Variants in PPP2R1B observed in about 807,000 individuals in gnomAD.
PPP2R1B encodes serine/threonine-protein phosphatase 2A 65 kDa regulatory subunit A beta isoform.
In PPP2R1B, 58 loss-of-function variants were observed where a neutral mutation model predicts 72.7. The observed-to-expected ratio is 0.80, with a 90% confidence interval of 0.65 to 0.99. The LOEUF (loss-of-function observed/expected upper bound fraction) is 0.99. Among genes scored for constraint, PPP2R1B ranks in the 50% least tolerant of loss-of-function variants. The pLI, the probability that PPP2R1B is intolerant of heterozygous loss-of-function variation, is 0.00. For missense variants in PPP2R1B, 695 were observed against 733.6 expected (o/e 0.95, Z 0.61); for synonymous variants, 256 against 264.6 (o/e 0.97, Z 0.32).
chr11:111,704,051 A>T, the PPP2R1B span, among the ~76,000 whole-genome samples: 1 of 152,224 alleles, frequency 6.6e-6, no homozygotes, highest in Non-Finnish European at 1.5e-5. Context: ...AAGAAACATA[A>T]CAAGAAAGAA....
downstream of PPP2R1B, chr11:111,726,048 T>C (rs1227868301): frequency 6.6e-6 from 1 of 152,238 alleles, no homozygotes; most frequent in Non-Finnish European, 1.5e-5. Flanking sequence ...CATCATTTCA[T>C]TTAAGAGATC....
In PPP2R1B at chr11:111,740,644, C is replaced by T; in HGVS notation, c.*952G>A. 2.0e-6 allele frequency: 2 copies of T among 985,218 alleles called. No homozygotes were observed. Among genetic ancestry groups the T allele is most frequent in the Non-Finnish European group, 2.4e-6 (2 of 829,784 alleles). The allele number at this position is 985,218 out of a possible 1,614,324, so 61.0% of individuals were successfully genotyped here. On this transcript the variant is annotated 3_prime_UTR_variant, in exon 15 of 15. Transcript: ENST00000527614. Reference sequence around the variant, plus strand: ...TTCAAATGATAAGACTCCAGTATCACCCATACTAAAAACTTAGCAATAAAA... The same window carrying T: ...TTCAAATGATAAGACTCCAGTATCATCCATACTAAAAACTTAGCAATAAAA...
intron 10 of PPP2R1B, among the ~76,000 whole-genome samples, chr11:111,748,468 C>T (rs1372816442): frequency 6.6e-6 from 1 of 152,190 alleles, no homozygotes; most frequent in Non-Finnish European, 1.5e-5. Context: ...GAGATATCCC[C>T]AGTTAAAGAG....
Position 111,752,333 on chromosome 11 carries a change from C to T in PPP2R1B, c.1165-1G>A. On this transcript the variant is annotated splice_acceptor_variant, in intron 9 of 14. Transcript: ENST00000527614. LOFTEE classifies it high-confidence loss of function. ...TGATATTCAAACGAACGTCAGGACA[C>T]TGCAAGTACACAAGCCCCAAAAGAC... 6.2e-7 allele frequency: 1 copy of T among 1,602,054 alleles called. No individual in the cohort carries two copies. The highest frequency in any genetic ancestry group is 1.7e-4 in the Middle Eastern group (1 of 6,002).
chr11:111,720,593 C>T, the PPP2R1B span: 9 of 1,613,988 alleles, frequency 5.6e-6, no homozygotes, highest in Non-Finnish European at 6.8e-6. Flanking sequence ...CCCTTAAGGA[C>T]ATCATGTTAG....
At chr11:111,731,993 G>A (rs1944208298) in intron 15 of PPP2R1B, among the ~76,000 whole-genome samples, 1 of 152,202 alleles carries the variant, frequency 6.6e-6, no homozygotes, top group East Asian at 1.9e-4. Context: ...CACTCCCCAG[G>A]ACACTCTTCA....
intron 1 of PPP2R1B, chr11:111,766,012 A>C (rs1218954289): frequency 8.6e-6 from 5 of 583,214 alleles, no homozygotes; most frequent in Non-Finnish European, 1.6e-5. Flanking sequence ...GGGAAGGGCA[A>C]GGCTCCGGGC....
Position 111,759,961 on chromosome 11 carries a change from A to G in PPP2R1B, c.540-10T>C, listed in dbSNP as rs1555050805. On this transcript the variant is annotated splice_polypyrimidine_tract_variant and intron_variant, in intron 4 of 14. Transcript: ENST00000527614. ...CAAGGAACGGAATTGCCTGCAACAT[A>G]AAACAATGAAGGTATTTCCCATCAA... 4.3e-6 allele frequency: 7 copies of G among 1,612,650 alleles called. No homozygotes were observed. Among genetic ancestry groups the G allele is most frequent in the Admixed American group, 1.7e-5 (1 of 59,918 alleles).
intron 10 of PPP2R1B, among the ~76,000 whole-genome samples, chr11:111,748,359 A>C (rs571952510): frequency 2.3e-4 from 35 of 152,392 alleles, no homozygotes; most frequent in African/African-American, 8.2e-4. Flanking sequence ...TTACCCAGGA[A>C]AACACCTGTC....
At chr11:111,719,915 C>A in the PPP2R1B span, 1 of 1,614,116 alleles carries the variant, frequency 6.2e-7, no homozygotes. Flanking sequence ...CCGCTCATGC[C>A]TTTGAGGCAT....
chr11:111,708,482 A>G, the PPP2R1B span, among the ~76,000 whole-genome samples: 2 of 152,240 alleles, frequency 1.3e-5, no homozygotes, highest in East Asian at 3.8e-4. Flanking sequence ...TGTTTGCTGT[A>G]TAACATGCAG....
chr11:111,723,805 G>T, downstream of PPP2R1B: 1 of 1,613,284 alleles, frequency 6.2e-7, no homozygotes, highest in Non-Finnish European at 8.5e-7. Context: ...CGCAGCTACA[G>T]CAGCAGCAGC....
At chr11:111,712,214 C>A in the PPP2R1B span, 4 of 1,613,996 alleles carry the variant, frequency 2.5e-6, no homozygotes, top group South Asian at 4.4e-5. Context: ...TTTACAGGCA[C>A]AGACTGTGGG....
Position 111,753,515 on chromosome 11 carries a change from C to A in PPP2R1B, c.1092G>T (p.Leu364Phe). 6.2e-7 allele frequency: 1 copy of A among 1,612,968 alleles called. No individual in the cohort carries two copies. Among genetic ancestry groups the A allele is most frequent in the Non-Finnish European group, 8.5e-7 (1 of 1,179,120 alleles). Residue 364 changes from leucine to phenylalanine, a missense_variant, in exon 9 of 15, where the codon TTG (leucine) becomes TTT (phenylalanine). Coordinates refer to ENST00000527614, the MANE Select transcript of PPP2R1B (RefSeq NM_002716.5). The stretch of plus-strand genomic sequence containing the variant: ...TATTTTCTTTGCCCAAAATAGTAGA[C>A]AATCCCATAATTACAGAAGCTAGAG... ...KSALASVIMG[L>F]STILGKENTI...
chr11:111,705,212 T>C, the PPP2R1B span: 2 of 1,412,836 alleles, frequency 1.4e-6, no homozygotes, highest in Non-Finnish European at 1.8e-6. This position sits in a 1 kb window ranked among gnomAD's most constrained non-coding sequence, Gnocchi z 4.3. Context: ...TTTCATCTTA[T>C]ACACAGGGTT....
chr11:111,765,839 A>AG, intron 1 of PPP2R1B: 1 of 476,680 alleles, frequency 2.1e-6, no homozygotes, highest in South Asian at 1.5e-5. Flanking sequence ...GAAGGGATCC[A>AG]GGGGCACTTC....
chr11:111,748,587 G>A (rs560565353), intron 10 of PPP2R1B, among the ~76,000 whole-genome samples: 4 of 152,148 alleles, frequency 2.6e-5, no homozygotes, highest in Non-Finnish European at 4.4e-5. Context: ...TGTTCCTCCC[G>A]ACTGTCAACA....
At position 111,740,527 on chromosome 11, in the gene PPP2R1B, A is replaced by G. The variant is rs1262123425; in HGVS notation, c.*1069T>C. The stretch of plus-strand genomic sequence containing the variant: ...AGTAGTTCAAATAGGCTTCCTCACT[A>G]TTAATTTGCTTCAGTAAACTCTTCA... On this transcript the variant is annotated 3_prime_UTR_variant, in exon 15 of 15. Coordinates refer to ENST00000527614, the MANE Select transcript of PPP2R1B (RefSeq NM_002716.5). The G allele has an allele frequency of 9.1e-6, 9 of 985,120 alleles. No homozygotes were observed. The highest frequency in any genetic ancestry group is 9.6e-6 in the Non-Finnish European group (8 of 829,782). 61.0% of individuals were successfully genotyped at this position (985,120 alleles called of 1,614,324 possible).
the PPP2R1B span, among the ~76,000 whole-genome samples, chr11:111,706,022 G>A: frequency 6.6e-6 from 1 of 152,210 alleles, no homozygotes; most frequent in African/African-American, 2.4e-5. Flanking sequence ...CAGTGTGGTG[G>A]TTAGAAGCAG....
Sources: allele counts gnomAD v4.1 joint callset (sites outside exome capture counted in the v4.1 genomes callset), GRCh38; gene constraint gnomAD v4.1.1; non-coding constraint Gnocchi (gnomAD v3.1); transcripts MANE v1.5; gene names NCBI Gene and HGNC (gene_info 2026-07-23, HGNC 2026-07-21).